Variants in DMD observed in about 807,000 individuals in gnomAD.
DMD encodes dystrophin.
Under a neutral mutation model 330.1 loss-of-function variants are expected in DMD, and 63 were observed. The observed-to-expected ratio is 0.19, with a 90% CI of 0.16 to 0.24. The LOEUF is 0.24. DMD is among the 10% of genes least tolerant of loss of function. The pLI, the probability that DMD is intolerant of heterozygous loss-of-function variation, is 1.00. For synonymous variants in DMD, 1,223 were observed against 959.8 expected (o/e 1.27, Z -5.07); for missense variants, 3,344 against 2,684.1 (o/e 1.25, Z -5.43).
chrX:33,277,091 C>G (rs892918105), intron 1 of DMD, among the ~76,000 whole-genome samples: 1 of 111,470 alleles, frequency 9.0e-6, no homozygotes, highest in Non-Finnish European at 1.9e-5. Context: ...TCAAGACACC[C>G]CATGTTATCC....
At chrX:31,413,436 A>G (rs1375330708) in intron 60 of DMD, among the ~76,000 whole-genome samples, 1 of 112,210 alleles carries the variant, frequency 8.9e-6, no homozygotes, top group Non-Finnish European at 1.9e-5. Flanking sequence ...TTATAATCTT[A>G]TTTTGAGTCT....
At chrX:31,246,653 C>T (rs2048853123) in intron 63 of DMD, among the ~76,000 whole-genome samples, 1 of 112,201 alleles carries the variant, frequency 8.9e-6, no homozygotes, top group Non-Finnish European at 1.9e-5. Flanking sequence ...TCAGGCCGGG[C>T]ACAGTGGCTC....
intron 52 of DMD, among the ~76,000 whole-genome samples, chrX:31,688,109 TA>T (rs2082814433): frequency 9.2e-6 from 1 of 108,968 alleles, no homozygotes; most frequent in South Asian, 4.0e-4. Context: ...AAAAAAATAA[TA>T]AGAAACAATG....
intron 2 of DMD, among the ~76,000 whole-genome samples, chrX:32,930,148 A>G (rs1028042972): frequency 1.8e-5 from 2 of 111,358 alleles, no homozygotes; most frequent in Non-Finnish European, 3.8e-5. Context: ...CATAAAACAC[A>G]AAGCCTATTT....
intron 51 of DMD, among the ~76,000 whole-genome samples, chrX:31,734,226 A>AT (rs756808124): frequency 0.052 from 5,601 of 108,023 alleles, 366 homozygotes; most frequent in African/African-American, 0.17. Context: ...ATATATATAT[A>AT]TTTTTTTTCT....
intron 27 of DMD, among the ~76,000 whole-genome samples, chrX:32,446,323 G>GA (rs1569562852): frequency 9.2e-6 from 1 of 108,120 alleles, no homozygotes; most frequent in Non-Finnish European, 1.9e-5. Context: ...AGGTACCAGA[G>GA]AAAATGATAA....
intron 6 of DMD, among the ~76,000 whole-genome samples, chrX:32,811,637 T>C (rs1418231360): frequency 9.0e-6 from 1 of 111,518 alleles, no homozygotes; most frequent in African/African-American, 3.3e-5. Context: ...TACTTGATAA[T>C]AGAGAAAATG....
At chrX:32,513,237 C>A (rs1005835343) in intron 18 of DMD, among the ~76,000 whole-genome samples, 1 of 112,195 alleles carries the variant, frequency 8.9e-6, no homozygotes, top group African/African-American at 3.2e-5. Flanking sequence ...CAAAGCCTAA[C>A]TGAAGTGCCA....
intron 55 of DMD, among the ~76,000 whole-genome samples, chrX:31,514,115 T>A (rs1247059133): frequency 8.9e-6 from 1 of 111,838 alleles, no homozygotes; most frequent in African/African-American, 3.2e-5. Flanking sequence ...AAAGAGCAAT[T>A]TCATGGTCTT....
chrX:31,190,622 CGGGG>C (rs2042244990), intron 67 of DMD, among the ~76,000 whole-genome samples: 1 of 3,817 alleles, frequency 2.6e-4, no homozygotes, highest in African/African-American at 7.0e-4. Context: ...AGGGGGAGGG[CGGGG>C]AGGGGGTGCT....
chrX:31,188,719 G>T (rs991223707), intron 67 of DMD, among the ~76,000 whole-genome samples: 2 of 111,896 alleles, frequency 1.8e-5, no homozygotes, highest in African/African-American at 6.5e-5. Flanking sequence ...TCACAGTTTG[G>T]AATTATGTTG....
At chrX:31,180,303 G>T in intron 69 of DMD, 67 bp downstream of exon 69, 1 of 737,000 alleles carries the variant, frequency 1.4e-6, no homozygotes. Flanking sequence ...ATGATCTGCA[G>T]TATTGTACAA....
At chrX:32,105,041 A>G (rs1166440213) in intron 44 of DMD, among the ~76,000 whole-genome samples, 1 of 112,306 alleles carries the variant, frequency 8.9e-6, no homozygotes, top group Non-Finnish European at 1.9e-5. Flanking sequence ...TTAACTATAA[A>G]CAAGGTTTTC....
intron 2 of DMD, among the ~76,000 whole-genome samples, chrX:32,868,836 A>T (rs899533224): frequency 8.9e-6 from 1 of 112,232 alleles, no homozygotes; most frequent in Admixed American, 9.4e-5. Context: ...GCTCTAAAGA[A>T]TCCGGGAAGC....
intron 45 of DMD, among the ~76,000 whole-genome samples, chrX:31,943,254 G>A (rs2095031855): frequency 9.0e-6 from 1 of 111,685 alleles, no homozygotes; most frequent in Admixed American, 9.5e-5. Context: ...CATCTACTAG[G>A]GAATTAAAGA....
At chrX:31,213,318 A>T (rs1329728778) in intron 64 of DMD, among the ~76,000 whole-genome samples, 1 of 112,714 alleles carries the variant, frequency 8.9e-6, no homozygotes, top group Non-Finnish European at 1.9e-5. Context: ...GTTGCAGGTT[A>T]TCACCATTGT....
At chrX:31,938,740 G>C (rs2094955388) in intron 45 of DMD, among the ~76,000 whole-genome samples, 1 of 111,866 alleles carries the variant, frequency 8.9e-6, no homozygotes, top group African/African-American at 3.2e-5. Flanking sequence ...TTTATGTTAT[G>C]TAAAGACAGC....
At chrX:32,559,215 AG>A (rs1316528801) in intron 16 of DMD, among the ~76,000 whole-genome samples, 6 of 109,976 alleles carry the variant, frequency 5.5e-5, no homozygotes, top group Non-Finnish European at 1.1e-4. Context: ...GTCCTCCCAA[AG>A]TACTGGGATT....
In DMD at chrX:33,026,313, C is replaced by CAAAAAAAAAAA. The variant is rs56794668; in HGVS notation, c.32-6124_32-6114dup. ...CTGGGGGACAGAGGAGACTCCGTCT[C>CAAAAAAAAAAA]AAAAAAAAAAAAAAAAAAAAAAAAA... On this transcript the variant is annotated intron_variant, in intron 1 of 78. Coordinates refer to ENST00000357033, the MANE Select transcript of DMD (RefSeq NM_004006.3). Among the ~76,000 whole-genome samples, 36 of 32,780 alleles carry CAAAAAAAAAAA rather than the reference C, an allele frequency of 1.1e-3. 3 individuals carry two copies. Among genetic ancestry groups the CAAAAAAAAAAA allele is most frequent in the African/African-American group, 1.6e-3 (13 of 8,212 alleles). The allele number at this position is 32,780 out of a possible 115,157, so 28.5% of individuals were successfully genotyped here.
Sources: gnomAD v4.1 joint callset for allele counts (sites outside exome capture counted in the v4.1 genomes callset) on GRCh38, gnomAD v4.1.1 for gene constraint, MANE v1.5 for transcripts, NCBI Gene and HGNC (gene_info 2026-07-23, HGNC 2026-07-21) for gene names.